Variants in GPC5 observed in about 807,000 individuals in gnomAD.
GPC5 encodes the protein glypican-5.
Under a neutral mutation model 53.9 loss-of-function variants are expected in GPC5, and 47 were observed. The ratio of observed to expected loss-of-function variants is 0.87; its 90% CI spans 0.69 to 1.11. GPC5 has a LOEUF of 1.11. Among genes scored for constraint, GPC5 ranks in the 50% most tolerant of loss-of-function variants. The pLI is 0.00. For missense variants in GPC5, 748 were observed against 713.1 expected, an observed-to-expected ratio of 1.05 and a Z score of -0.56; for synonymous variants, 286 against 263.3, an observed-to-expected ratio of 1.09 and a Z score of -0.84.
chr13:91,919,543 AT>A (rs1335605496), intron 6 of GPC5, among the ~76,000 whole-genome samples: 1 of 152,202 alleles, frequency 6.6e-6, no homozygotes, highest in Non-Finnish European at 1.5e-5. Flanking sequence ...AAATGTGAAA[AT>A]TTGGCCACAT....
intron 2 of GPC5, among the ~76,000 whole-genome samples, chr13:91,681,783 C>A (rs1488649981): frequency 6.6e-6 from 1 of 152,082 alleles, no homozygotes; most frequent in East Asian, 1.9e-4. Flanking sequence ...GACTTCAATG[C>A]AACACATAGC....
chr13:92,414,301 T>A (rs1876182942), intron 7 of GPC5, among the ~76,000 whole-genome samples: 2 of 151,988 alleles, frequency 1.3e-5, no homozygotes, highest in African/African-American at 4.8e-5. Flanking sequence ...GGTCAGGAGT[T>A]CAAGACCAGC....
chr13:92,832,795 G>A (rs936618147), intron 7 of GPC5, among the ~76,000 whole-genome samples: 9 of 152,210 alleles, frequency 5.9e-5, no homozygotes, highest in Middle Eastern at 6.8e-3. Context: ...ATCACTTGAG[G>A]TCAGGAGTTC....
chr13:91,500,483 C>G (rs536418449), intron 2 of GPC5, among the ~76,000 whole-genome samples: 22 of 152,252 alleles, frequency 1.4e-4, no homozygotes, highest in Admixed American at 1.3e-3. Context: ...ATATAGGATG[C>G]TCAGTTAAAC....
intron 2 of GPC5, among the ~76,000 whole-genome samples, chr13:91,475,405 C>A (rs549832422): frequency 1.7e-4 from 26 of 152,234 alleles, no homozygotes; most frequent in Non-Finnish European, 3.8e-4. Flanking sequence ...GTTTTCTTAG[C>A]TTTCTTAGTG....
intron 7 of GPC5, among the ~76,000 whole-genome samples, chr13:92,429,351 C>T (rs1876981507): frequency 1.3e-5 from 2 of 151,702 alleles, no homozygotes; most frequent in South Asian, 4.1e-4. Flanking sequence ...ACATTCACAC[C>T]TTCCTATGAC....
rs1176408371 is a variant in GPC5, at chr13:92,153,337, C to T, written c.1561+8348C>T. ...ACTTTTAGTAGAGACAGGGTTTCAC[C>T]GTGTTGGCTAGGCTGGTTTCAAACT... is the stretch of plus-strand genomic sequence containing the variant. On this transcript the variant is annotated intron_variant, in intron 7 of 7. Transcript: ENST00000377067. Among the ~76,000 whole-genome samples the T allele has an allele frequency of 5.3e-5, 8 of 152,172 alleles. No homozygotes were observed. The South Asian group carries it at 8.3e-4, about 16-fold the overall frequency.
At chr13:92,232,325 G>A (rs183217575) in intron 7 of GPC5, among the ~76,000 whole-genome samples, 1 of 152,206 alleles carries the variant, frequency 6.6e-6, no homozygotes, top group East Asian at 1.9e-4. Context: ...TAAGTTCTGT[G>A]CAATAAGTCA....
At chr13:91,683,894 C>T (rs1229440998) in intron 2 of GPC5, among the ~76,000 whole-genome samples, 2 of 152,188 alleles carry the variant, frequency 1.3e-5, no homozygotes, top group African/African-American at 4.8e-5. Context: ...TTATAGCAAA[C>T]ATTTGCAAGA....
chr13:92,786,903 C>T (rs886296997), intron 7 of GPC5, among the ~76,000 whole-genome samples: 12 of 152,128 alleles, frequency 7.9e-5, no homozygotes, highest in Admixed American at 6.5e-4. Context: ...CAGCAACAGG[C>T]AAAGGGATCC....
chr13:91,947,396 A>G (rs1286222608), intron 6 of GPC5, among the ~76,000 whole-genome samples: 1 of 152,180 alleles, frequency 6.6e-6, no homozygotes, highest in African/African-American at 2.4e-5. Flanking sequence ...TGGGTCAGGA[A>G]TTCTTCTGGG....
At chr13:91,924,312 A>C (rs952546776) in intron 6 of GPC5, among the ~76,000 whole-genome samples, 2 of 152,168 alleles carry the variant, frequency 1.3e-5, no homozygotes, top group African/African-American at 4.8e-5. Flanking sequence ...AAAAGCACAA[A>C]AGTCTTATTA....
chr13:91,593,761 A>G (rs924545856), intron 2 of GPC5, among the ~76,000 whole-genome samples: 7 of 152,226 alleles, frequency 4.6e-5, no homozygotes, highest in Non-Finnish European at 8.8e-5. Flanking sequence ...CAATCAGTGA[A>G]AAAAACGAAT....
intron 7 of GPC5, among the ~76,000 whole-genome samples, chr13:92,330,007 T>C (rs1388708073): frequency 6.6e-6 from 1 of 152,088 alleles, no homozygotes; most frequent in African/African-American, 2.4e-5. Context: ...AACAAAACTT[T>C]TTTTTTAAAT....
intron 7 of GPC5, among the ~76,000 whole-genome samples, chr13:92,273,477 GTGTT>G (rs1448212549): frequency 3.9e-5 from 6 of 152,004 alleles, no homozygotes; most frequent in Admixed American, 2.6e-4. Flanking sequence ...GGTGTGTAAA[GTGTT>G]TGTTCTAATA....
At position 91,411,353 on chromosome 13, in the gene GPC5, A is replaced by G. The variant is rs1263310649; in HGVS notation, c.163+12144A>G. On this transcript the variant is annotated intron_variant, in intron 1 of 7. Coordinates refer to ENST00000377067, the MANE Select transcript of GPC5 (RefSeq NM_004466.6). ...TGCTGAGGGTCTTGGCAAGTCCCCT[A>G]TATTGGAGATAAGAACTTATCTTCC... is the stretch of plus-strand genomic sequence containing the variant. 2.0e-5 allele frequency among the ~76,000 whole-genome samples: 3 copies of G among 152,184 alleles called. No individual in the cohort carries two copies. In the South Asian group the frequency reaches 6.2e-4, roughly 31 times the overall value.
At chr13:92,396,501 T>G (rs1271673075) in intron 7 of GPC5, among the ~76,000 whole-genome samples, 2 of 143,834 alleles carry the variant, frequency 1.4e-5, no homozygotes, top group African/African-American at 2.8e-5. Context: ...TTTTTTGTGT[T>G]TTTTTTTTTC....
At chr13:91,926,482 T>C (rs1458883872) in intron 6 of GPC5, among the ~76,000 whole-genome samples, 2 of 152,162 alleles carry the variant, frequency 1.3e-5, no homozygotes, top group African/African-American at 4.8e-5. Context: ...TGACTAGCAT[T>C]GGCTTGAAGC....
chr13:92,836,290 T>G (rs1878217545), intron 7 of GPC5, among the ~76,000 whole-genome samples: 1 of 152,086 alleles, frequency 6.6e-6, no homozygotes, highest in African/African-American at 2.4e-5. Flanking sequence ...TTGTTTACAT[T>G]TTTACATAAA....
Sources: gnomAD v4.1 joint callset for allele counts (sites outside exome capture counted in the v4.1 genomes callset) on GRCh38, gnomAD v4.1.1 for gene constraint, MANE v1.5 for transcripts, NCBI Gene and HGNC (gene_info 2026-07-23, HGNC 2026-07-21) for gene names.